The following CBFA2T2 variants were observed in gnomAD, a reference collection of about 807,000 sequenced individuals.
The protein encoded by CBFA2T2 is protein CBFA2T2.
In CBFA2T2, 11 loss-of-function variants were observed where a neutral mutation model predicts 62.2. That is an observed-to-expected ratio of 0.18 (90% CI 0.11 to 0.29). CBFA2T2 has a LOEUF of 0.29. Among genes scored for constraint, CBFA2T2 ranks in the 10% least tolerant of loss-of-function variants. The probability of loss-of-function intolerance (pLI) is 1.00; values close to 1 mark genes in which losing one functional copy is unlikely to be tolerated. For missense variants in CBFA2T2, 592 were observed against 774.1 expected (o/e 0.76, Z 2.79); for synonymous variants, 295 against 287.5 (o/e 1.03, Z -0.27).
intron 1 of CBFA2T2, among the ~76,000 whole-genome samples, chr20:33,558,566 A>G (rs2012984476): frequency 6.6e-6 from 1 of 152,120 alleles, no homozygotes; most frequent in South Asian, 2.1e-4. Flanking sequence ...TCATCTTGCC[A>G]TTAACATGTT....
chr20:33,630,012 G>A lies in CBFA2T2; in HGVS notation c.1228+98G>A, dbSNP rs1237541759. The A allele has an allele frequency of 2.2e-5, 24 of 1,074,484 alleles. No homozygotes were observed. The East Asian group carries it at 6.0e-4, about 27-fold the overall frequency. 66.6% of individuals were successfully genotyped at this position (1,074,484 alleles called of 1,614,324 possible). ...GTTTTCTACTTGACTTTAAAGAAAG[G>A]TGGTACTCAATTGTGGATTTAGGGA... On this transcript the variant is annotated intron_variant, in intron 8 of 10. Transcript: ENST00000342704.
chr20:33,568,852 C>A (rs887840916), intron 1 of CBFA2T2, among the ~76,000 whole-genome samples: 3 of 152,142 alleles, frequency 2.0e-5, no homozygotes, highest in Non-Finnish European at 4.4e-5. Flanking sequence ...AACTATAATA[C>A]CCTGAAATCT....
At chr20:33,598,509 A>C (rs566951601) in intron 1 of CBFA2T2, among the ~76,000 whole-genome samples, 4 of 152,356 alleles carry the variant, frequency 2.6e-5, no homozygotes, top group South Asian at 4.1e-4. Flanking sequence ...GTTTAAGGTT[A>C]TCTCTCTTAT....
At chr20:33,611,889 G>T (rs2015544694) in intron 3 of CBFA2T2, among the ~76,000 whole-genome samples, 2 of 152,096 alleles carry the variant, frequency 1.3e-5, no homozygotes, top group African/African-American at 4.8e-5. Flanking sequence ...ATTCCAATAA[G>T]CAACTTTGGA....
intron 3 of CBFA2T2, among the ~76,000 whole-genome samples, chr20:33,616,699 CA>C (rs1368196570): frequency 6.7e-6 from 1 of 149,306 alleles, no homozygotes; most frequent in African/African-American, 2.5e-5. Flanking sequence ...TGCACTCCAG[CA>C]TGGGTGACAA....
intron 3 of CBFA2T2, among the ~76,000 whole-genome samples, chr20:33,615,097 T>G (rs2015659690): frequency 6.6e-6 from 1 of 152,210 alleles, no homozygotes; most frequent in Admixed American, 6.5e-5. Flanking sequence ...CTCAGGAGAC[T>G]GAGGCAGGAG....
At chr20:33,559,327 G>A (rs996288587) in intron 1 of CBFA2T2, among the ~76,000 whole-genome samples, 5 of 151,730 alleles carry the variant, frequency 3.3e-5, no homozygotes, top group Non-Finnish European at 7.4e-5. Flanking sequence ...GCATGTGCCA[G>A]CATGCCTGGC....
At chr20:33,550,969 A>G (rs994610867) in intron 1 of CBFA2T2, among the ~76,000 whole-genome samples, 7 of 152,014 alleles carry the variant, frequency 4.6e-5, no homozygotes, top group African/African-American at 1.7e-4. Flanking sequence ...TGGAAGCTAC[A>G]TGAGTTGGGG....
Position 33,644,640 on chromosome 20 carries a change from A to T in CBFA2T2, c.1782A>T (p.Gly594=), listed in dbSNP as rs1359070691. The change falls in exon 11 of 11, where the codon GGA becomes GGT. Residue 594 remains glycine, a synonymous_variant. Coordinates refer to ENST00000342704, the MANE Select transcript of CBFA2T2 (RefSeq NM_001032999.3). The part of the protein sequence containing the change: ...PASVTAIDTN[G]L ...CTGTGACAGCTATCGACACCAACGG[A>T]CTCTGAGCCCCGGACTCTGCTTACC... 1 of 1,601,408 alleles carries T rather than the reference A, an allele frequency of 6.2e-7. No homozygotes were observed. The highest frequency in any genetic ancestry group is 1.7e-5 in the Admixed American group (1 of 59,530).
chr20:33,625,289 C>T (rs2016180164), intron 6 of CBFA2T2, among the ~76,000 whole-genome samples: 2 of 152,070 alleles, frequency 1.3e-5, no homozygotes, highest in Non-Finnish European at 2.9e-5. Context: ...CACTTGAAGC[C>T]AGTCTGGGCA....
intron 1 of CBFA2T2, among the ~76,000 whole-genome samples, chr20:33,558,331 C>G (rs914922665): frequency 6.6e-6 from 1 of 151,894 alleles, no homozygotes; most frequent in African/African-American, 2.4e-5. Context: ...GAGGCTTCAC[C>G]ATGTTGGCCA....
intron 1 of CBFA2T2, among the ~76,000 whole-genome samples, chr20:33,551,946 T>G (rs1386686050): frequency 6.6e-6 from 1 of 152,194 alleles, no homozygotes; most frequent in African/African-American, 2.4e-5. Flanking sequence ...CGTAAAATTC[T>G]TGATTTTAAA....
intron 1 of CBFA2T2, among the ~76,000 whole-genome samples, chr20:33,554,588 C>T (rs2012836369): frequency 1.1e-4 from 15 of 134,228 alleles, no homozygotes; most frequent in Admixed American, 4.7e-4. Context: ...CTTTCCTTTT[C>T]CTTTTTCTTT....
intron 1 of CBFA2T2, among the ~76,000 whole-genome samples, chr20:33,519,097 A>T (rs999924221): frequency 1.3e-5 from 2 of 152,172 alleles, no homozygotes; most frequent in African/African-American, 2.4e-5. Flanking sequence ...AAGAAAAATA[A>T]TATTTGGCCC....
chr20:33,600,090 A>G (rs1480247733), intron 1 of CBFA2T2, among the ~76,000 whole-genome samples: 1 of 151,026 alleles, frequency 6.6e-6, no homozygotes, highest in African/African-American at 2.4e-5. Context: ...GTCCATAATC[A>G]GTTTAGCCAA....
chr20:33,508,599 T>C (rs1459098479), intron 1 of CBFA2T2, among the ~76,000 whole-genome samples: 2 of 152,234 alleles, frequency 1.3e-5, no homozygotes, highest in African/African-American at 4.8e-5. Flanking sequence ...TCCCATAGGC[T>C]CCAGTGTGTT....
At position 33,583,930 on chromosome 20, in the gene CBFA2T2, A is replaced by ATTTG. The variant is rs1396153200; in HGVS notation, c.35-23006_35-23003dup. ...AGTGATTTTATTTATTTATTTATTTATTTGTTTGTTTGTTTGTTTGTTTAT... is the reference window on the plus strand; with the variant it reads ...AGTGATTTTATTTATTTATTTATTTATTTGTTTGTTTGTTTGTTTGTTTGTTTAT... On this transcript the variant is annotated intron_variant, in intron 1 of 10. Transcript: ENST00000342704. Among the ~76,000 whole-genome samples, 1,198 of 149,178 alleles carry ATTTG rather than the reference A, an allele frequency of 8.0e-3. 4 individuals carry two copies. Among genetic ancestry groups the ATTTG allele is most frequent in the Middle Eastern group, 0.017 (5 of 292 alleles).
intron 1 of CBFA2T2, among the ~76,000 whole-genome samples, chr20:33,591,205 T>TG (rs1483034700): frequency 7.7e-6 from 1 of 130,116 alleles, no homozygotes; most frequent in East Asian, 2.4e-4. Flanking sequence ...GATGAATAGC[T>TG]GGGCATGGTG....
At chr20:33,644,132 A>T (rs1031643262) in intron 10 of CBFA2T2, among the ~76,000 whole-genome samples, 2 of 151,914 alleles carry the variant, frequency 1.3e-5, no homozygotes, top group Non-Finnish European at 2.9e-5. Flanking sequence ...TCTTGCAGGG[A>T]AGTAGTTTTC....
Sources: allele counts gnomAD v4.1 joint callset (sites outside exome capture counted in the v4.1 genomes callset), GRCh38; gene constraint gnomAD v4.1.1; transcripts MANE v1.5; gene names NCBI Gene and HGNC (gene_info 2026-07-23, HGNC 2026-07-21).